The following TRIM33 variants were observed in gnomAD, a reference collection of about 807,000 sequenced individuals.
The protein encoded by TRIM33 is E3 ubiquitin-protein ligase TRIM33.
In TRIM33, 20 loss-of-function variants were observed where a neutral mutation model predicts 125.4. The ratio of observed to expected loss-of-function variants is 0.16; its 90% confidence interval spans 0.11 to 0.23. The LOEUF (loss-of-function observed/expected upper bound fraction) is 0.23, where lower values mean the gene tolerates loss of function less well. TRIM33 is among the 10% of genes least tolerant of loss of function. The pLI, the probability that TRIM33 is intolerant of heterozygous loss-of-function variation, is 1.00. For synonymous variants in TRIM33, 564 were observed against 513.9 expected (o/e 1.10, Z -1.32); for missense variants, 920 against 1,411.4 (o/e 0.65, Z 5.58).
chr1:114,466,973 A>G (rs1275702770), intron 1 of TRIM33, among the ~76,000 whole-genome samples: 2 of 152,218 alleles, frequency 1.3e-5, no homozygotes, highest in African/African-American at 2.4e-5. Flanking sequence ...AGTAGGTTCT[A>G]TTACTATCCC....
At chr1:114,506,029 G>A (rs917946691) in intron 1 of TRIM33, among the ~76,000 whole-genome samples, 18 of 152,112 alleles carry the variant, frequency 1.2e-4, no homozygotes, top group Admixed American at 9.8e-4. Context: ...CAGCCTCTTC[G>A]TATTGCAAGA....
In TRIM33 at chr1:114,510,785, C is replaced by A. The variant is rs1241431566; in HGVS notation, c.292G>T (p.Ala98Ser). 3 of 1,520,340 alleles carry A rather than the reference C, an allele frequency of 2.0e-6. No individual in the cohort carries two copies. Among genetic ancestry groups the A allele is most frequent in the South Asian group, 2.4e-5 (2 of 82,146 alleles). 94.2% of individuals were successfully genotyped at this position (1,520,340 alleles called of 1,614,324 possible). ...GCGGGAGCCGAGGCTGGAGCTGGAG[C>A]CGGCGTCGATACTGCGCCCCCGGCA... is the stretch of plus-strand genomic sequence containing the variant. ...GVAGGAVSTP[A>S]PAPASAPAPG... The change falls in exon 1 of 20, where the codon GCT becomes TCT. Residue 98 changes from alanine (A) to serine (S), a missense_variant. This residue lies in a region of TRIM33 where 233 missense variants were observed against 189.6 expected (regional missense o/e 1.23). Transcript: ENST00000358465.
intron 16 of TRIM33, 151 bp from the exon 17 acceptor site, chr1:114,401,614 C>T: frequency 1.9e-6 from 1 of 516,144 alleles, no homozygotes; most frequent in East Asian, 3.5e-5. Context: ...CATAAACACC[C>T]AAAGAAAATT....
chr1:114,501,534 A>G (rs1652717873), intron 1 of TRIM33, among the ~76,000 whole-genome samples: 1 of 152,232 alleles, frequency 6.6e-6, no homozygotes, highest in Non-Finnish European at 1.5e-5. Flanking sequence ...TAAAGTCACT[A>G]TTAATTCTAT....
At chr1:114,454,899 T>C (rs986959168) in intron 4 of TRIM33, among the ~76,000 whole-genome samples, 14 of 152,190 alleles carry the variant, frequency 9.2e-5, no homozygotes, top group African/African-American at 3.4e-4. Context: ...GGAGGTAGTC[T>C]AGGTATGAGA....
chr1:114,448,304 G>A (rs1649115440), intron 4 of TRIM33, among the ~76,000 whole-genome samples: 1 of 152,178 alleles, frequency 6.6e-6, no homozygotes, highest in African/African-American at 2.4e-5. Context: ...GGTAGAGGGA[G>A]TCTGTAGTTC....
At chr1:114,459,381 A>G (rs1649815925) in intron 4 of TRIM33, among the ~76,000 whole-genome samples, 1 of 152,234 alleles carries the variant, frequency 6.6e-6, no homozygotes, top group South Asian at 2.1e-4. Context: ...GTGGAGGATA[A>G]GGCATCCACC....
At position 114,491,741 on chromosome 1, in the gene TRIM33, T is replaced by C. The variant is rs534597969; in HGVS notation, c.526+18810A>G. Among the ~76,000 whole-genome samples, 17 of 152,202 alleles carry C rather than the reference T, an allele frequency of 1.1e-4. No homozygotes were observed. In the East Asian group the frequency reaches 1.7e-3, roughly 16 times the overall value. On this transcript the variant is annotated intron_variant, in intron 1 of 19. Transcript: ENST00000358465. ...ATCACTTGAGACCAGGAGGCAAAGG[T>C]TGCAGTAAGCCGTAACTGGGCCACT...
rs532013847 is a variant in TRIM33 at position 114,484,174 on chromosome 1, T to C, written c.527-19786A>G. ...CAAGGAGCTCTTAAGAGCTTGTTAGTGTGTTGTTTCAAATTTTATAATAAA... is the reference window on the plus strand; with the variant it reads ...CAAGGAGCTCTTAAGAGCTTGTTAGCGTGTTGTTTCAAATTTTATAATAAA... On this transcript the variant is annotated intron_variant, in intron 1 of 19. Coordinates refer to ENST00000358465, the MANE Select transcript of TRIM33 (RefSeq NM_015906.4). Among the ~76,000 whole-genome samples, 4 of 152,340 alleles carry C rather than the reference T, an allele frequency of 2.6e-5. No individual in the cohort carries two copies. The South Asian group carries it at 8.3e-4, about 32-fold the overall frequency.
At chr1:114,410,112 T>G in intron 12 of TRIM33, 72 bp downstream of exon 12, 1 of 1,552,976 alleles carries the variant, frequency 6.4e-7, no homozygotes, top group Non-Finnish European at 8.8e-7. Flanking sequence ...TTCTGGAGAA[T>G]TCTGACTAAG....
chr1:114,465,265 A>G (rs1650220768), intron 1 of TRIM33, among the ~76,000 whole-genome samples: 1 of 152,246 alleles, frequency 6.6e-6, no homozygotes, highest in African/African-American at 2.4e-5. Flanking sequence ...AACTGAAAAT[A>G]GCACCAGAGT....
intron 1 of TRIM33, among the ~76,000 whole-genome samples, chr1:114,506,383 C>CAA (rs370539194): frequency 0.018 from 1,597 of 89,848 alleles, 23 homozygotes; most frequent in South Asian, 0.058. Context: ...AAAACTGTCT[C>CAA]AAAAAAAAAA....
intron 1 of TRIM33, among the ~76,000 whole-genome samples, chr1:114,502,174 T>A (rs537282660): frequency 4.6e-5 from 7 of 152,246 alleles, no homozygotes; most frequent in Non-Finnish European, 8.8e-5. Flanking sequence ...GGAGGCTTTT[T>A]CTGAACTGTT....
At chr1:114,488,149 G>A (rs889225644) in intron 1 of TRIM33, among the ~76,000 whole-genome samples, 8 of 151,980 alleles carry the variant, frequency 5.3e-5, no homozygotes, top group African/African-American at 1.2e-4. Flanking sequence ...ACAAATAAAC[G>A]TTGCGATATC....
intron 1 of TRIM33, among the ~76,000 whole-genome samples, chr1:114,489,938 C>T (rs1287950262): frequency 2.0e-5 from 3 of 151,280 alleles, no homozygotes; most frequent in Non-Finnish European, 4.4e-5. Context: ...GAAGATAGCG[C>T]TAAATCAGAT....
At chr1:114,408,442 A>G (rs1652383858) in intron 13 of TRIM33, among the ~76,000 whole-genome samples, 1 of 150,244 alleles carries the variant, frequency 6.7e-6, no homozygotes, top group Non-Finnish European at 1.5e-5. Context: ...AGTTCCTTTC[A>G]TTAAGTGATA....
rs1396739314 is a variant in TRIM33 at position 114,503,544 on chromosome 1, T to C, written c.526+7007A>G. On this transcript the variant is annotated intron_variant, in intron 1 of 19. Transcript: ENST00000358465. The stretch of plus-strand genomic sequence containing the variant: ...TTGCTCTGTTTTGCACTTAACATCA[T>C]GCATTTCTCATTTAGAATATATTGC... Among the ~76,000 whole-genome samples, 6 of 152,214 alleles carry C rather than the reference T, an allele frequency of 3.9e-5. No individual in the cohort carries two copies. The East Asian group carries it at 5.8e-4, about 15-fold the overall frequency.
intron 8 of TRIM33, 36 bp from the exon 9 acceptor site, chr1:114,425,759 C>A: frequency 6.9e-7 from 1 of 1,452,892 alleles, no homozygotes; most frequent in South Asian, 1.3e-5. Context: ...TGCATATAAT[C>A]AACTAAATCA....
intron 11 of TRIM33, among the ~76,000 whole-genome samples, chr1:114,420,766 C>T (rs951439171): frequency 1.3e-5 from 2 of 152,178 alleles, no homozygotes; most frequent in Non-Finnish European, 2.9e-5. Context: ...ACTAACTCAT[C>T]ATTTTTTTGT....
Sources: allele counts gnomAD v4.1 joint callset (sites outside exome capture counted in the v4.1 genomes callset), GRCh38; gene constraint gnomAD v4.1.1; regional missense constraint gnomAD v4.1.1; transcripts MANE v1.5; gene names NCBI Gene and HGNC (gene_info 2026-07-23, HGNC 2026-07-21).